Variants in SMYD3 observed in about 807,000 individuals in gnomAD.
The protein encoded by SMYD3 is SET and MYND domain containing 3, also known as histone-lysine N-methyltransferase SMYD3.
Under a neutral mutation model 57.7 loss-of-function variants are expected in SMYD3, and 36 were observed. The observed-to-expected ratio is 0.62, with a 90% CI of 0.48 to 0.82. SMYD3 has a LOEUF of 0.82. Among genes scored for constraint, SMYD3 ranks in the 40% least tolerant of loss-of-function variants. SMYD3 has a pLI of 0.00. For synonymous variants in SMYD3, 211 were observed against 195.0 expected, an observed-to-expected ratio of 1.08 and a Z score of -0.68; for missense variants, 515 against 538.8, an observed-to-expected ratio of 0.96 and a Z score of 0.44.
At chr1:246,290,158 A>C (rs2064660111) in intron 5 of SMYD3, among the ~76,000 whole-genome samples, 1 of 152,212 alleles carries the variant, frequency 6.6e-6, no homozygotes, top group Non-Finnish European at 1.5e-5. Flanking sequence ...TGGACTGGGG[A>C]AGACCTGAGA....
At chr1:245,917,606 C>G (rs1369149785) in intron 7 of SMYD3, among the ~76,000 whole-genome samples, 2 of 152,198 alleles carry the variant, frequency 1.3e-5, no homozygotes, top group Non-Finnish European at 2.9e-5. Flanking sequence ...CCCTCATCGC[C>G]TTTGAGTTTC....
At chr1:246,378,726 T>TTATATATAATATA (rs1491106548) in intron 1 of SMYD3, among the ~76,000 whole-genome samples, 1,727 of 89,826 alleles carry the variant, frequency 0.019, 59 homozygotes, top group African/African-American at 0.075. Context: ...TATAATATAT[T>TTATATATAATATA]ATATATTATA....
intron 5 of SMYD3, among the ~76,000 whole-genome samples, chr1:246,068,391 A>T (rs1355276273): frequency 3.3e-5 from 5 of 152,164 alleles, no homozygotes; most frequent in African/African-American, 1.2e-4. Flanking sequence ...TCTATGTTTT[A>T]TAATTCTCTT....
chr1:246,199,956 G>C (rs571936904), intron 5 of SMYD3, among the ~76,000 whole-genome samples: 1 of 152,088 alleles, frequency 6.6e-6, no homozygotes, highest in Admixed American at 6.5e-5. Flanking sequence ...AGAAGATAGA[G>C]GAGAACAGCG....
At chr1:246,444,044 T>C (rs551114851) in intron 1 of SMYD3, among the ~76,000 whole-genome samples, 1 of 152,292 alleles carries the variant, frequency 6.6e-6, no homozygotes, top group East Asian at 1.9e-4. Flanking sequence ...TGCCATGGGT[T>C]TGTTACCTGG....
intron 5 of SMYD3, among the ~76,000 whole-genome samples, chr1:246,012,295 T>C (rs2059296976): frequency 6.6e-6 from 1 of 152,212 alleles, no homozygotes; most frequent in African/African-American, 2.4e-5. Flanking sequence ...TATTTCACAC[T>C]GTGAAAACCC....
intron 8 of SMYD3, among the ~76,000 whole-genome samples, chr1:245,883,413 AT>A: frequency 6.6e-6 from 1 of 152,116 alleles, no homozygotes; most frequent in Non-Finnish European, 1.5e-5. Context: ...TCCCGTAATT[AT>A]TTTGCTATTT....
At chr1:246,356,453 GATT>G (rs2065911669) in intron 1 of SMYD3, among the ~76,000 whole-genome samples, 1 of 152,126 alleles carries the variant, frequency 6.6e-6, no homozygotes, top group African/African-American at 2.4e-5. Context: ...AAAATATCCG[GATT>G]GCAAGAAAAA....
intron 5 of SMYD3, among the ~76,000 whole-genome samples, chr1:245,966,500 T>C (rs1368601227): frequency 6.6e-6 from 1 of 152,176 alleles, no homozygotes; most frequent in African/African-American, 2.4e-5. Flanking sequence ...TAACATGGTA[T>C]GCACACATTA....
At chr1:246,411,471 C>T (rs2066967159) in intron 1 of SMYD3, among the ~76,000 whole-genome samples, 1 of 152,132 alleles carries the variant, frequency 6.6e-6, no homozygotes, top group African/African-American at 2.4e-5. Context: ...CATCCCATTA[C>T]TGGGTATATA....
intron 10 of SMYD3, among the ~76,000 whole-genome samples, chr1:245,848,906 G>A (rs890980103): frequency 2.6e-5 from 4 of 152,140 alleles, no homozygotes; most frequent in Admixed American, 2.6e-4. Context: ...AAGTATATGA[G>A]CCAGAATGAA....
chr1:245,925,307 A>G (rs1434976364), intron 7 of SMYD3, among the ~76,000 whole-genome samples: 3 of 152,218 alleles, frequency 2.0e-5, no homozygotes, highest in Non-Finnish European at 4.4e-5. Context: ...TATTTAGGTT[A>G]TCCACGACCT....
intron 5 of SMYD3, among the ~76,000 whole-genome samples, chr1:245,989,848 CTATAATAAAA>C: frequency 6.6e-6 from 1 of 152,236 alleles, no homozygotes; most frequent in Non-Finnish European, 1.5e-5. Context: ...ATTATGTTTT[CTATAATAAAA>C]GTAGAGACTC....
At chr1:246,391,278 G>A (rs1424236753) in intron 1 of SMYD3, among the ~76,000 whole-genome samples, 1 of 150,798 alleles carries the variant, frequency 6.6e-6, no homozygotes, top group African/African-American at 2.5e-5. Flanking sequence ...TACATGGGAG[G>A]CTTAAGTAGG....
chr1:246,457,090 G>C (rs947175297), intron 1 of SMYD3, among the ~76,000 whole-genome samples: 3 of 151,968 alleles, frequency 2.0e-5, no homozygotes, highest in Admixed American at 1.3e-4. Context: ...TTCTTGTATA[G>C]ACTTTTAAAA....
intron 5 of SMYD3, among the ~76,000 whole-genome samples, chr1:245,948,226 A>G (rs544219212): frequency 6.6e-6 from 1 of 152,288 alleles, no homozygotes; most frequent in East Asian, 1.9e-4. Context: ...AGAAGAATCG[A>G]AACAGCAGGA....
At chr1:245,987,121 A>G (rs1360955545) in intron 5 of SMYD3, among the ~76,000 whole-genome samples, 1 of 152,202 alleles carries the variant, frequency 6.6e-6, no homozygotes, top group Non-Finnish European at 1.5e-5. Context: ...AAACCAACTC[A>G]TATTCATGCC....
chr1:246,110,880 T>G (rs879846829), intron 5 of SMYD3, among the ~76,000 whole-genome samples: 5 of 152,122 alleles, frequency 3.3e-5, no homozygotes, highest in Non-Finnish European at 7.4e-5. Context: ...GTAATTCCAT[T>G]TTAAGGGTTC....
intron 5 of SMYD3, among the ~76,000 whole-genome samples, chr1:246,235,734 G>A (rs533232327): frequency 9.4e-4 from 143 of 152,248 alleles, no homozygotes; most frequent in Non-Finnish European, 1.2e-3. Flanking sequence ...GAAGGGGAGG[G>A]CTGGGGAAAG....
Sources: gnomAD v4.1 joint callset for allele counts (sites outside exome capture counted in the v4.1 genomes callset) on GRCh38, gnomAD v4.1.1 for gene constraint, MANE v1.5 for transcripts, NCBI Gene and HGNC (gene_info 2026-07-23, HGNC 2026-07-21) for gene names.